Variants in ENKUR observed in about 807,000 individuals in gnomAD.
ENKUR encodes enkurin, TRPC channel interacting protein.
A neutral mutation model predicts 27.6 loss-of-function variants in ENKUR; 19 were observed. The ratio of observed to expected loss-of-function variants is 0.69; its 90% CI spans 0.48 to 1.01. The LOEUF (loss-of-function observed/expected upper bound fraction) is 1.01. ENKUR is among the 50% of genes least tolerant of loss of function. The pLI is 0.00. For missense variants in ENKUR, 312 were observed against 310.5 expected, an observed-to-expected ratio of 1.00 and a Z score of -0.04; for synonymous variants, 117 against 96.9, an observed-to-expected ratio of 1.21 and a Z score of -1.22.
chr10:25,014,084 A>G (rs1398789987), intron 1 of ENKUR, among the ~76,000 whole-genome samples: 1 of 152,242 alleles, frequency 6.6e-6, no homozygotes, highest in African/African-American at 2.4e-5. Context: ...CTTAAGTCTC[A>G]GCCAATAGTT....
chr10:25,006,424 T>C (rs939073704), intron 1 of ENKUR, among the ~76,000 whole-genome samples: 7 of 152,094 alleles, frequency 4.6e-5, no homozygotes, highest in African/African-American at 1.7e-4. Flanking sequence ...GCTTTTGTCT[T>C]TGGACAATAT....
rs187167066 is a variant in ENKUR, at chr10:25,061,628, A to T, written c.-221-259T>A. On this transcript the variant is annotated intron_variant, in intron 1 of 5. Transcript: ENST00000615958. ...TAAACCCAGTCTCAAACAAAATCGG[A>T]AAATCAACATGTTTCTCTTCAGATT... is the stretch of plus-strand genomic sequence containing the variant. Among the ~76,000 whole-genome samples, 56 of 152,322 alleles carry T rather than the reference A, an allele frequency of 3.7e-4. 2 individuals carry two copies. The East Asian group carries it at 0.01, about 28-fold the overall frequency.
At chr10:25,011,527 C>T (rs964566535) in intron 1 of ENKUR, among the ~76,000 whole-genome samples, 6 of 152,082 alleles carry the variant, frequency 3.9e-5, no homozygotes, top group Non-Finnish European at 8.8e-5. Flanking sequence ...ACTGGCTAGC[C>T]ATATGTAGAA....
chr10:24,996,249 C>T (rs1293034005), intron 2 of ENKUR, among the ~76,000 whole-genome samples: 1 of 152,072 alleles, frequency 6.6e-6, no homozygotes, highest in Non-Finnish European at 1.5e-5. Flanking sequence ...ACAGTGAAAC[C>T]CCATCTCTGC....
rs376176649 is a variant in ENKUR, at chr10:24,983,242, A to C, written c.*1128T>G. ...GGAGTTAGTTTGTTAAAGCAACTTAAGTTGCTTACTTAGCGATGCAAACGG... is the reference window on the plus strand; with the variant it reads ...GGAGTTAGTTTGTTAAAGCAACTTACGTTGCTTACTTAGCGATGCAAACGG... On this transcript the variant is annotated 3_prime_UTR_variant, in exon 6 of 6. Transcript: ENST00000331161. 10 of 152,296 alleles carry C rather than the reference A, an allele frequency of 6.6e-5. No individual in the cohort carries two copies. The highest frequency in any genetic ancestry group is 2.4e-4 in the African/African-American group (10 of 41,576). The allele number at this position is 152,296 out of a possible 1,614,324, so 9.4% of individuals were successfully genotyped here. A position where few individuals can be genotyped will look rare whatever the true frequency, so the allele number is the denominator to read the frequency against.
chr10:25,058,445 C>T (rs1351933839), intron 2 of ENKUR, among the ~76,000 whole-genome samples: 1 of 152,100 alleles, frequency 6.6e-6, no homozygotes, highest in African/African-American at 2.4e-5. Context: ...TGGCCTCAAG[C>T]GATCCTTCTG....
At chr10:25,025,284 TTCA>T (rs1160849958) in intron 2 of ENKUR, 2 of 1,614,204 alleles carry the variant, frequency 1.2e-6, no homozygotes, top group Non-Finnish European at 1.7e-6. Flanking sequence ...TCAATGAGAC[TTCA>T]TCAAGTCAGC....
intron 2 of ENKUR, among the ~76,000 whole-genome samples, chr10:25,047,543 G>A (rs1213576133): frequency 1.1e-4 from 17 of 152,080 alleles, no homozygotes; most frequent in Non-Finnish European, 4.4e-5. Context: ...TCCCTCCCAA[G>A]TGCCCCATTT....
chr10:24,995,423 A>G lies in ENKUR; in HGVS notation c.447+223T>C, dbSNP rs945831658. ...TTAATAATCAAAATTAAGGAAAACA[A>G]TAACTTTTATCTACTGAACTATATG... On this transcript the variant is annotated intron_variant, in intron 3 of 5. Transcript: ENST00000331161. 3.9e-5 allele frequency among the ~76,000 whole-genome samples: 6 copies of G among 152,218 alleles called. No individual in the cohort carries two copies. In the South Asian group the frequency reaches 6.2e-4, roughly 16 times the overall value.
chr10:25,044,232 G>A (rs1299701843), intron 2 of ENKUR, among the ~76,000 whole-genome samples: 2 of 152,114 alleles, frequency 1.3e-5, no homozygotes, highest in East Asian at 3.8e-4. Context: ...CTAGCAGGCT[G>A]TTAAATTTCT....
At chr10:25,042,368 C>G (rs1476023284) in intron 2 of ENKUR, among the ~76,000 whole-genome samples, 1 of 151,502 alleles carries the variant, frequency 6.6e-6, no homozygotes, top group African/African-American at 2.4e-5. Flanking sequence ...AGCATCAGCT[C>G]ACTGCAACCT....
intron 2 of ENKUR, among the ~76,000 whole-genome samples, chr10:25,039,313 C>CTCA (rs1851037621): frequency 6.6e-6 from 1 of 152,138 alleles, no homozygotes; most frequent in African/African-American, 2.4e-5. Context: ...GGCACAGTGG[C>CTCA]TCACACCTGT....
At chr10:25,006,833 T>C (rs1197051676) in intron 1 of ENKUR, among the ~76,000 whole-genome samples, 1 of 152,220 alleles carries the variant, frequency 6.6e-6, no homozygotes, top group African/African-American at 2.4e-5. Context: ...GATTTGTGTC[T>C]CGATCTCAGC....
At chr10:25,028,800 C>G (rs1253071572) in intron 2 of ENKUR, among the ~76,000 whole-genome samples, 1 of 152,174 alleles carries the variant, frequency 6.6e-6, no homozygotes, top group East Asian at 1.9e-4. Flanking sequence ...ACCTTTGGTT[C>G]TTCTTTGATT....
intron 3 of ENKUR, among the ~76,000 whole-genome samples, chr10:24,993,614 C>A (rs1045456585): frequency 6.6e-6 from 1 of 152,154 alleles, no homozygotes; most frequent in African/African-American, 2.4e-5. Flanking sequence ...TACTATCTCA[C>A]CTACCAATGA....
chr10:25,046,796 C>T (rs976780159), intron 2 of ENKUR, among the ~76,000 whole-genome samples: 7 of 152,176 alleles, frequency 4.6e-5, no homozygotes, highest in Non-Finnish European at 7.3e-5. Flanking sequence ...TCACCAACCT[C>T]TGCTGTTGTA....
chr10:25,060,064 T>A (rs193218831), intron 2 of ENKUR, among the ~76,000 whole-genome samples: 3 of 152,196 alleles, frequency 2.0e-5, no homozygotes, highest in Admixed American at 1.3e-4. Flanking sequence ...GCAACCCTTT[T>A]ATCTGCCTGG....
At chr10:25,022,504 A>G (rs1243638113) in intron 2 of ENKUR, among the ~76,000 whole-genome samples, 2 of 152,202 alleles carry the variant, frequency 1.3e-5, no homozygotes, top group African/African-American at 4.8e-5. Context: ...AGCCTTCAAT[A>G]TGAATAATAT....
At chr10:25,017,520 G>A (rs1436296982), upstream of ENKUR, among the ~76,000 whole-genome samples, 1 of 151,958 alleles carries the variant, frequency 6.6e-6, no homozygotes, top group East Asian at 1.9e-4. Flanking sequence ...CAATGGCCTG[G>A]TGAACCTTTT....
Sources: allele counts gnomAD v4.1 joint callset (sites outside exome capture counted in the v4.1 genomes callset), GRCh38; gene constraint gnomAD v4.1.1; transcripts MANE v1.5; gene names NCBI Gene and HGNC (gene_info 2026-07-23, HGNC 2026-07-21).